Variants in DYNC2H1 observed in about 807,000 individuals in gnomAD.
The protein encoded by DYNC2H1 is dynein cytoplasmic 2 heavy chain 1, also known as cytoplasmic dynein 2 heavy chain 1.
Under a neutral mutation model 570.0 loss-of-function variants are expected in DYNC2H1, and 410 were observed. The ratio of observed to expected loss-of-function variants is 0.72; its 90% CI spans 0.66 to 0.78. The LOEUF is 0.78. Among genes scored for constraint, DYNC2H1 ranks in the 30% least tolerant of loss-of-function variants. DYNC2H1 has a pLI of 0.00. For missense variants in DYNC2H1, 4,865 were observed against 5,046.4 expected, an observed-to-expected ratio of 0.96 and a Z score of 1.09; for synonymous variants, 1,688 against 1,677.6, an observed-to-expected ratio of 1.01 and a Z score of -0.15.
In DYNC2H1 at chr11:103,456,318, T is replaced by G; in HGVS notation, c.12610T>G (p.Trp4204Gly). The change falls in exon 87 of 89, where the codon TGG becomes GGG. Residue 4204 changes from tryptophan to glycine, a missense_variant. Transcript: ENST00000375735. ...SVDSLKFVASWKGRLQEAKLQ... is the reference protein window; with the variant it reads ...SVDSLKFVASGKGRLQEAKLQ... ...GGATAGCCTTAAATTTGTAGCCTCA[T>G]GGAAAGGTCGACTGCAAGAAGCAAA... The G allele has an allele frequency of 6.2e-7, 1 of 1,609,276 alleles. No individual in the cohort carries two copies. Among genetic ancestry groups the G allele is most frequent in the South Asian group, 1.1e-5 (1 of 89,816 alleles).
rs999004129 is a variant in DYNC2H1 at position 103,326,577 on chromosome 11, C to T, written c.12039+2587C>T. 9.2e-5 allele frequency among the ~76,000 whole-genome samples: 14 copies of T among 152,230 alleles called. No individual in the cohort carries two copies. The highest frequency in any genetic ancestry group is 4.4e-5 in the Non-Finnish European group (3 of 68,048). Reference sequence around the variant, plus strand: ...CCGCATTCCGGGGACACTGGAACAGCCCTTGGCTTGGGGTCAGACTCTGGC... The same window carrying T: ...CCGCATTCCGGGGACACTGGAACAGTCCTTGGCTTGGGGTCAGACTCTGGC... On this transcript the variant is annotated intron_variant, in intron 82 of 88. Transcript: ENST00000375735. The surrounding 1 kb of genome is among the most constrained non-coding windows in gnomAD (Gnocchi z 6.1).
In DYNC2H1 at chr11:103,204,785, T is replaced by C. The variant is rs755073810; in HGVS notation, c.8312-37T>C. On this transcript the variant is annotated intron_variant, in intron 51 of 88. Transcript: ENST00000375735. The surrounding 1 kb of genome is among the most constrained non-coding windows in gnomAD (Gnocchi z 4.1). ...CTCTTTAACCCAGACCACGTATAGATTGCCTGATTGTATTATTATTCTTAT... is the reference window on the plus strand; with the variant it reads ...CTCTTTAACCCAGACCACGTATAGACTGCCTGATTGTATTATTATTCTTAT... The C allele has an allele frequency of 9.1e-6, 14 of 1,533,526 alleles. No homozygotes were observed. Among genetic ancestry groups the C allele is most frequent in the Non-Finnish European group, 3.5e-6 (4 of 1,132,404 alleles). 95.0% of individuals were successfully genotyped at this position (1,533,526 alleles called of 1,614,324 possible). A position where few individuals can be genotyped will look rare whatever the true frequency, so the allele number is the denominator to read the frequency against.
At chr11:103,383,261 T>A (rs12271311) in intron 83 of DYNC2H1, among the ~76,000 whole-genome samples, 5,376 of 152,222 alleles carry the variant, frequency 0.035, 309 homozygotes, top group African/African-American at 0.12. Flanking sequence ...TGTATAGAAA[T>A]TCCACTGGCA....
chr11:103,272,564 A>C (rs1277090780), intron 70 of DYNC2H1, among the ~76,000 whole-genome samples: 1 of 152,190 alleles, frequency 6.6e-6, no homozygotes, highest in Non-Finnish European at 1.5e-5. Flanking sequence ...CTAGAACTTA[A>C]AGTATAATTA....
chr11:103,416,063 C>T (rs1361731589), intron 84 of DYNC2H1, among the ~76,000 whole-genome samples: 1 of 152,140 alleles, frequency 6.6e-6, no homozygotes, highest in Non-Finnish European at 1.5e-5. Context: ...GAAAACCAAA[C>T]ACCACATGTT....
At chr11:103,140,614 C>G (rs1321833265) in intron 17 of DYNC2H1, among the ~76,000 whole-genome samples, 2 of 152,156 alleles carry the variant, frequency 1.3e-5, no homozygotes, top group African/African-American at 4.8e-5. Flanking sequence ...TTGTGGGTAA[C>G]CTGACCTTTC....
chr11:103,310,680 T>A (rs1373307679), intron 78 of DYNC2H1, among the ~76,000 whole-genome samples: 1 of 82,950 alleles, frequency 1.2e-5, no homozygotes, highest in African/African-American at 5.5e-5. Context: ...TTTCTTTTTT[T>A]TTTTTTTTTT....
In DYNC2H1 at chr11:103,225,476, C is replaced by T. The variant is rs187952227; in HGVS notation, c.9353+2390C>T. ...GTTTCATTCTTCTACGTGGGGCTTT[C>T]CGATTACCCCAGCACCATTGGTTGA... On this transcript the variant is annotated intron_variant, in intron 59 of 88. Transcript: ENST00000375735. Among the ~76,000 whole-genome samples, 32 of 152,134 alleles carry T rather than the reference C, an allele frequency of 2.1e-4. No individual in the cohort carries two copies. The East Asian group carries it at 6.0e-3, about 29-fold the overall frequency.
In DYNC2H1 at chr11:103,275,694, A is replaced by G. The variant is rs1865881685; in HGVS notation, c.10696-4654A>G. On this transcript the variant is annotated intron_variant, in intron 70 of 88. Transcript: ENST00000375735. The surrounding 1 kb of genome is among the most constrained non-coding windows in gnomAD (Gnocchi z 4.8). ...TTTCATGTTTTTTTCATGGTGTAAT[A>G]TCTCATTTCTTTTTAATGTTGATTA... is the stretch of plus-strand genomic sequence containing the variant. Among the ~76,000 whole-genome samples, 4 of 151,846 alleles carry G rather than the reference A, an allele frequency of 2.6e-5. No individual in the cohort carries two copies. The highest frequency in any genetic ancestry group is 1.3e-4 in the Admixed American group (2 of 15,234).
chr11:103,200,647 T>C (rs1862682918), intron 50 of DYNC2H1, among the ~76,000 whole-genome samples: 1 of 152,194 alleles, frequency 6.6e-6, no homozygotes, highest in Non-Finnish European at 1.5e-5. Flanking sequence ...GGCCTTAGTA[T>C]GGATATATGA....
rs1865436687 is a variant in DYNC2H1 at position 103,264,571 on chromosome 11, A to G, written c.10695+4594A>G. On this transcript the variant is annotated intron_variant, in intron 70 of 88. Coordinates refer to ENST00000375735, the MANE Select transcript of DYNC2H1 (RefSeq NM_001377.3). This position sits in a 1 kb window ranked among gnomAD's most constrained non-coding sequence, Gnocchi z 4.8. ...ATCAATAAATATAATCCATGACATG[A>G]ACAGAACTAATGACAAAAACCACAT... is the stretch of plus-strand genomic sequence containing the variant. Among the ~76,000 whole-genome samples, 1 of 152,218 alleles carries G rather than the reference A, an allele frequency of 6.6e-6. No individual in the cohort carries two copies. The highest frequency in any genetic ancestry group is 2.4e-5 in the African/African-American group (1 of 41,460).
intron 28 of DYNC2H1, among the ~76,000 whole-genome samples, chr11:103,160,208 G>GT (rs1344727114): frequency 3.3e-5 from 5 of 151,852 alleles, no homozygotes; most frequent in African/African-American, 9.7e-5. Flanking sequence ...TAATAATATA[G>GT]TTTTTTTGTG....
rs538713525 is a variant in DYNC2H1 at position 103,241,794 on chromosome 11, C to A, written c.9820-1899C>A. ...GTGATGCTCATACAGTGTAACGTGGCAGGAGGTATGATGGGAGTAGTCTAC... is the reference window on the plus strand; with the variant it reads ...GTGATGCTCATACAGTGTAACGTGGAAGGAGGTATGATGGGAGTAGTCTAC... On this transcript the variant is annotated intron_variant, in intron 63 of 88. Coordinates refer to ENST00000375735, the MANE Select transcript of DYNC2H1 (RefSeq NM_001377.3). This position sits in a 1 kb window ranked among gnomAD's most constrained non-coding sequence, Gnocchi z 5.1. Among the ~76,000 whole-genome samples, 103 of 152,142 alleles carry A rather than the reference C, an allele frequency of 6.8e-4. No individual in the cohort carries two copies. The highest frequency in any genetic ancestry group is 2.3e-3 in the African/African-American group (97 of 41,522).
Position 103,448,168 on chromosome 11 carries a change from C to T in DYNC2H1, c.12457-7018C>T, listed in dbSNP as rs1037587102. Among the ~76,000 whole-genome samples, 12 of 151,988 alleles carry T rather than the reference C, an allele frequency of 7.9e-5. No homozygotes were observed. In the South Asian group the frequency reaches 1.0e-3, roughly 13 times the overall value. ...TTTCGGTAGAAAAATTAGGATATTACGTTTAAGGATAATAGTAAGCAAATC... is the reference window on the plus strand; with the variant it reads ...TTTCGGTAGAAAAATTAGGATATTATGTTTAAGGATAATAGTAAGCAAATC... On this transcript the variant is annotated intron_variant, in intron 85 of 88. Transcript: ENST00000375735.
At chr11:103,357,361 T>C (rs2671334) in intron 82 of DYNC2H1, among the ~76,000 whole-genome samples, 72,908 of 151,980 alleles carry the variant, frequency 0.48, 19,390 homozygotes, top group Admixed American at 0.59. Context: ...GATTGACCCA[T>C]ACTTTTTTCA....
In DYNC2H1 at chr11:103,254,881, C is replaced by G. The variant is rs1036785213; in HGVS notation, c.10207-534C>G. ...CTGCCTCCTAGGTTTAAGCTATTCT[C>G]CTGCCTCAGCCTCCCGAGTAGCTGG... On this transcript the variant is annotated intron_variant, in intron 66 of 88. Coordinates refer to ENST00000375735, the MANE Select transcript of DYNC2H1 (RefSeq NM_001377.3). The surrounding 1 kb of genome is among the most constrained non-coding windows in gnomAD (Gnocchi z 4.9). Among the ~76,000 whole-genome samples, 1 of 152,076 alleles carries G rather than the reference C, an allele frequency of 6.6e-6. No homozygotes were observed. Among genetic ancestry groups the G allele is most frequent in the African/African-American group, 2.4e-5 (1 of 41,426 alleles).
In DYNC2H1 at chr11:103,477,640, G is replaced by T. The variant is rs938123849; in HGVS notation, c.12766-1455G>T. On this transcript the variant is annotated intron_variant, in intron 88 of 88. Coordinates refer to ENST00000375735, the MANE Select transcript of DYNC2H1 (RefSeq NM_001377.3). Reference sequence around the variant, plus strand: ...AGGTCAGGAGATGGAGACCATCCTGGCTAACACAGTGAAACCCTGTCTCTA... The same window carrying T: ...AGGTCAGGAGATGGAGACCATCCTGTCTAACACAGTGAAACCCTGTCTCTA... 6.1e-4 allele frequency among the ~76,000 whole-genome samples: 93 copies of T among 151,908 alleles called. 1 individual carries two copies. The highest frequency in any genetic ancestry group is 1.9e-3 in the African/African-American group (80 of 41,440).
At chr11:103,138,482 T>G (rs902220758) in intron 17 of DYNC2H1, among the ~76,000 whole-genome samples, 2 of 152,248 alleles carry the variant, frequency 1.3e-5, no homozygotes, top group African/African-American at 4.8e-5. Flanking sequence ...ATGTGGTTTT[T>G]GTCTTTGGTT....
chr11:103,281,889 G>A (rs1302853925), intron 71 of DYNC2H1, among the ~76,000 whole-genome samples: 2 of 151,968 alleles, frequency 1.3e-5, no homozygotes, highest in African/African-American at 4.8e-5. Flanking sequence ...AACAGGTAGT[G>A]ACAAATGTTA....
Sources: gnomAD v4.1 joint callset for allele counts (sites outside exome capture counted in the v4.1 genomes callset) on GRCh38, gnomAD v4.1.1 for gene constraint, Gnocchi (gnomAD v3.1) non-coding constraint, MANE v1.5 for transcripts, NCBI Gene and HGNC (gene_info 2026-07-23, HGNC 2026-07-21) for gene names.